PPME1: variants seen among roughly 807,000 people sequenced by gnomAD.
PPME1 encodes the protein testicular secretory protein Li 39.
A neutral mutation model predicts 56.9 loss-of-function variants in PPME1; 17 were observed. The observed-to-expected ratio is 0.30, with a 90% CI of 0.20 to 0.45. PPME1 has a LOEUF of 0.45. PPME1 is among the 20% of genes least tolerant of loss of function. The probability of loss-of-function intolerance (pLI) is 1.00; values close to 1 mark genes in which losing one functional copy is unlikely to be tolerated. For missense variants in PPME1, 357 were observed against 483.2 expected, an observed-to-expected ratio of 0.74 and a Z score of 2.45; for synonymous variants, 122 against 156.2, an observed-to-expected ratio of 0.78 and a Z score of 1.63.
intron 1 of PPME1, chr11:74,198,615 TA>T (rs1355510053): frequency 7.4e-6 from 1 of 135,998 alleles, no homozygotes; most frequent in Non-Finnish European, 1.5e-5. Context: ...GTGCACTACC[TA>T]ATTTTTTTTT....
chr11:74,196,495 C>T (rs34127737), intron 1 of PPME1, among the ~76,000 whole-genome samples: 2 of 152,144 alleles, frequency 1.3e-5, no homozygotes, highest in South Asian at 2.1e-4. Flanking sequence ...AATATCATAT[C>T]CCCCATTGAA....
intron 5 of PPME1, among the ~76,000 whole-genome samples, chr11:74,227,646 G>A (rs1211556230): frequency 1.3e-5 from 2 of 152,108 alleles, no homozygotes; most frequent in Non-Finnish European, 2.9e-5. Flanking sequence ...AAATATGACA[G>A]AATCCCTTTA....
intron 1 of PPME1, among the ~76,000 whole-genome samples, chr11:74,183,515 T>A (rs1565375445): frequency 6.6e-6 from 1 of 152,042 alleles, no homozygotes; most frequent in Non-Finnish European, 1.5e-5. Context: ...TTTATATATA[T>A]TATATATATG....
intron 1 of PPME1, among the ~76,000 whole-genome samples, chr11:74,182,346 A>T (rs1327815836): frequency 6.6e-6 from 1 of 151,870 alleles, no homozygotes; most frequent in African/African-American, 2.4e-5. Context: ...TTTCTTTTTT[A>T]CATTTAAATT....
intron 3 of PPME1, among the ~76,000 whole-genome samples, chr11:74,211,387 T>C (rs1565384947): frequency 2.0e-5 from 3 of 151,620 alleles, no homozygotes; most frequent in South Asian, 4.1e-4. Flanking sequence ...TACCAAAACA[T>C]AATCTAAAAG....
At position 74,230,167 on chromosome 11, in the gene PPME1, G is replaced by GA. The variant is rs1325914309; in HGVS notation, c.399-75dup. The GA allele has an allele frequency of 6.8e-7, 1 of 1,470,562 alleles. No homozygotes were observed. Among genetic ancestry groups the GA allele is most frequent in the Admixed American group, 2.2e-5 (1 of 45,722 alleles). 91.1% of individuals were successfully genotyped at this position (1,470,562 alleles called of 1,614,324 possible). ...TTTCCCAGCACTGTTACACACCAAA[G>GA]AAAGGAACTGGGAAAGAAAACCATT... On this transcript the variant is annotated intron_variant, in intron 5 of 13. Coordinates refer to ENST00000328257, the MANE Select transcript of PPME1 (RefSeq NM_016147.3). The surrounding 1 kb of genome is among the most constrained non-coding windows in gnomAD (Gnocchi z 4.9).
intron 4 of PPME1, among the ~76,000 whole-genome samples, chr11:74,223,076 A>G (rs893469116): frequency 2.2e-4 from 33 of 151,630 alleles, no homozygotes; most frequent in Admixed American, 5.9e-4. Context: ...ATATCTCCCA[A>G]TGCTATCCCT....
chr11:74,215,699 A>G (rs962105839), intron 3 of PPME1, among the ~76,000 whole-genome samples: 2 of 152,184 alleles, frequency 1.3e-5, no homozygotes, highest in Non-Finnish European at 1.5e-5. Context: ...TCGCCAATCA[A>G]AAGACGTGGA....
chr11:74,204,307 C>CTT, intron 2 of PPME1, 46 bp from the exon 3 acceptor site: 1 of 1,472,114 alleles, frequency 6.8e-7, no homozygotes, highest in Non-Finnish European at 9.4e-7. Context: ...TAATGAAAAA[C>CTT]TTTAGTGAGC....
At chr11:74,188,580 G>T (rs550032836) in intron 1 of PPME1, among the ~76,000 whole-genome samples, 4 of 151,914 alleles carry the variant, frequency 2.6e-5, no homozygotes, top group Non-Finnish European at 4.4e-5. Flanking sequence ...TTACTTTTTT[G>T]ATTTTTATAT....
At chr11:74,250,875 C>A in intron 11 of PPME1, 79 bp from the exon 12 acceptor site, 1 of 1,263,726 alleles carries the variant, frequency 7.9e-7, no homozygotes, top group Non-Finnish European at 1.1e-6. Flanking sequence ...AGGTCCTGGG[C>A]TCCTGGAATG....
At chr11:74,183,457 C>T (rs1270042970) in intron 1 of PPME1, among the ~76,000 whole-genome samples, 3 of 152,116 alleles carry the variant, frequency 2.0e-5, no homozygotes, top group African/African-American at 7.2e-5. Context: ...GGGACTCCAA[C>T]TATGAAGAAA....
Position 74,216,750 on chromosome 11 carries a change from AG to A in PPME1, c.289-5561del, listed in dbSNP as rs533378563. On this transcript the variant is annotated intron_variant, in intron 3 of 13. Coordinates refer to ENST00000328257, the MANE Select transcript of PPME1 (RefSeq NM_016147.3). ...AAACCTTTAGCTAGACTAAGAAAAAAGAAAGAAGACCCAAATAAAATCAGAT... is the reference window on the plus strand; with the variant it reads ...AAACCTTTAGCTAGACTAAGAAAAAAAAAGAAGACCCAAATAAAATCAGAT... Among the ~76,000 whole-genome samples, 108 of 151,996 alleles carry A rather than the reference AG, an allele frequency of 7.1e-4. 1 individual carries two copies. Among genetic ancestry groups the A allele is most frequent in the African/African-American group, 2.4e-3 (100 of 41,564 alleles).
At chr11:74,190,993 G>A (rs1437179933) in intron 1 of PPME1, among the ~76,000 whole-genome samples, 1 of 152,194 alleles carries the variant, frequency 6.6e-6, no homozygotes, top group Non-Finnish European at 1.5e-5. Context: ...TTTCTAAGCA[G>A]CAAAGCATTC....
intron 1 of PPME1, among the ~76,000 whole-genome samples, chr11:74,187,585 T>C (rs950492589): frequency 6.6e-6 from 1 of 152,242 alleles, no homozygotes; most frequent in African/African-American, 2.4e-5. Flanking sequence ...TATATTGGTC[T>C]TATTTTCTGA....
intron 1 of PPME1, among the ~76,000 whole-genome samples, chr11:74,202,351 G>A (rs1858192444): frequency 6.6e-6 from 1 of 152,166 alleles, no homozygotes; most frequent in East Asian, 1.9e-4. Flanking sequence ...TGATTTCATT[G>A]TTAGATTCAG....
intron 13 of PPME1, 106 bp downstream of exon 13, chr11:74,251,821 T>G (rs746352218): frequency 2.2e-6 from 3 of 1,372,176 alleles, no homozygotes; most frequent in Non-Finnish European, 3.1e-6. Context: ...CCTGGTTTGG[T>G]CACCATGCCT....
At chr11:74,240,203 A>T (rs771372585) in intron 9 of PPME1, among the ~76,000 whole-genome samples, 1 of 152,106 alleles carries the variant, frequency 6.6e-6, no homozygotes, top group African/African-American at 2.4e-5. Context: ...AGTTGTACAT[A>T]TTAAGTCATA....
chr11:74,179,095 C>T (rs755428780), intron 1 of PPME1, among the ~76,000 whole-genome samples: 4 of 152,178 alleles, frequency 2.6e-5, no homozygotes, highest in South Asian at 4.2e-4. Context: ...ACCGGAAGAC[C>T]GAAGTTGTTT....
Sources: allele counts gnomAD v4.1 joint callset (sites outside exome capture counted in the v4.1 genomes callset), GRCh38; gene constraint gnomAD v4.1.1; non-coding constraint Gnocchi (gnomAD v3.1); transcripts MANE v1.5; gene names NCBI Gene and HGNC (gene_info 2026-07-23, HGNC 2026-07-21).